Variants in FRS2 observed in about 807,000 individuals in gnomAD.
FRS2 encodes fibroblast growth factor receptor substrate 2.
In FRS2, 8 loss-of-function variants were observed where a neutral mutation model predicts 43.9. The observed-to-expected ratio is 0.18, with a 90% CI of 0.11 to 0.33. FRS2 has a LOEUF of 0.33. Ranked by LOEUF, FRS2 falls within the 10% of genes least tolerant of loss-of-function variation. The pLI, the probability that FRS2 is intolerant of heterozygous loss-of-function variation, is 1.00. For synonymous variants in FRS2, 219 were observed against 220.3 expected (o/e 0.99, Z 0.05); for missense variants, 534 against 627.6 (o/e 0.85, Z 1.59).
intron 1 of FRS2, among the ~76,000 whole-genome samples, chr12:69,511,598 C>G (rs1874459468): frequency 6.6e-6 from 1 of 152,056 alleles, no homozygotes; most frequent in Non-Finnish European, 1.5e-5. Context: ...AAACTCTGAA[C>G]TGGTGGATTT....
intron 1 of FRS2, among the ~76,000 whole-genome samples, chr12:69,494,119 G>A (rs1872688496): frequency 6.6e-6 from 1 of 152,156 alleles, no homozygotes. Context: ...ATACCTTATT[G>A]TAATGGGTAG....
intron 1 of FRS2, among the ~76,000 whole-genome samples, chr12:69,520,279 A>G (rs1875497824): frequency 6.6e-6 from 1 of 151,290 alleles, no homozygotes; most frequent in African/African-American, 2.4e-5. Context: ...AATATGTTTA[A>G]GTTCCTTATA....
chr12:69,507,422 TTTAA>T (rs1477876044), intron 1 of FRS2, among the ~76,000 whole-genome samples: 2 of 152,322 alleles, frequency 1.3e-5, no homozygotes, highest in Non-Finnish European at 2.9e-5. Context: ...ATAATACTTG[TTTAA>T]TTGTTTGCAA....
chr12:69,539,219 C>T (rs991163397), intron 3 of FRS2, among the ~76,000 whole-genome samples: 4 of 152,072 alleles, frequency 2.6e-5, no homozygotes. Context: ...GGATTACAGG[C>T]ACACATCACC....
intron 3 of FRS2, among the ~76,000 whole-genome samples, chr12:69,538,531 C>A (rs1217989034): frequency 6.6e-6 from 1 of 151,550 alleles, no homozygotes; most frequent in African/African-American, 2.4e-5. Flanking sequence ...ATGATTCATG[C>A]CTTTTTATAT....
At chr12:69,487,278 A>G (rs1019875441) in intron 1 of FRS2, among the ~76,000 whole-genome samples, 2 of 152,230 alleles carry the variant, frequency 1.3e-5, no homozygotes, top group Admixed American at 6.5e-5. Context: ...AGAGAAATCT[A>G]TGCTTGGTTT....
intron 1 of FRS2, among the ~76,000 whole-genome samples, chr12:69,474,280 G>GA (rs1870570096): frequency 6.6e-6 from 1 of 152,182 alleles, no homozygotes; most frequent in Admixed American, 6.5e-5. Flanking sequence ...ATGTCCAAAG[G>GA]CTTTTGGAAA....
rs1322809488 is a variant in FRS2 at position 69,572,353 on chromosome 12, A to T, written c.576+72A>T. 1.5e-5 allele frequency: 17 copies of T among 1,165,750 alleles called. No homozygotes were observed. The East Asian group carries it at 4.1e-4, about 28-fold the overall frequency. The allele number at this position is 1,165,750 out of a possible 1,614,324, so 72.2% of individuals were successfully genotyped here. On this transcript the variant is annotated intron_variant, in intron 8 of 8. Coordinates refer to ENST00000549921, the MANE Select transcript of FRS2 (RefSeq NM_001278356.2). ...AGGGTATCACTGTGCTAATACTGGA[A>T]GATTTTATTCAGCTTGAAGTTTAAC...
intron 3 of FRS2, among the ~76,000 whole-genome samples, chr12:69,532,587 G>T (rs1432609284): frequency 6.6e-6 from 1 of 152,126 alleles, no homozygotes; most frequent in Non-Finnish European, 1.5e-5. Flanking sequence ...TCATGAGGAA[G>T]GAGCCCACAT....
At chr12:69,490,612 T>C (rs896818851) in intron 1 of FRS2, among the ~76,000 whole-genome samples, 9 of 152,154 alleles carry the variant, frequency 5.9e-5, no homozygotes, top group African/African-American at 2.2e-4. Flanking sequence ...AGCCAGATGG[T>C]TTTTTTCTTT....
In FRS2 at chr12:69,570,426, A is replaced by G. The variant is rs1203874084; in HGVS notation, c.162A>G (p.Ser54=). 2.5e-6 allele frequency: 4 copies of G among 1,612,470 alleles called. No individual in the cohort carries two copies. The highest frequency in any genetic ancestry group is 3.4e-6 in the Non-Finnish European group (4 of 1,178,618). ...ELILYTRKRD[S]VKWHYLCLRR... is the part of the protein sequence containing the mutation. The stretch of plus-strand genomic sequence containing the variant: ...TTTTATACACCCGCAAACGTGACTC[A>G]GTAAAATGGCACTACCTCTGCCTGC... The change falls in exon 6 of 9, where the codon TCA becomes TCG. Residue 54 remains serine (S), a synonymous_variant. Coordinates refer to ENST00000549921, the MANE Select transcript of FRS2 (RefSeq NM_001278356.2).
chr12:69,485,261 A>C (rs1409491106), intron 1 of FRS2, among the ~76,000 whole-genome samples: 1 of 147,956 alleles, frequency 6.8e-6, no homozygotes, highest in Non-Finnish European at 1.5e-5. Context: ...CCGCTCACTG[A>C]AAGCTCCGCT....
intron 1 of FRS2, among the ~76,000 whole-genome samples, chr12:69,524,922 G>T (rs1454123226): frequency 6.6e-6 from 1 of 152,172 alleles, no homozygotes; most frequent in Non-Finnish European, 1.5e-5. Flanking sequence ...ATCACTGGGG[G>T]CCAGGAACTA....
In FRS2 at chr12:69,578,794, T is replaced by C. The variant is rs2135837411; in HGVS notation, c.*3839T>C. ...TAAATATAGCAACTTTGTATAAAGG[T>C]AGCTTATTAGATTTTTAATTTTTTC... On this transcript the variant is annotated 3_prime_UTR_variant, in exon 9 of 9. Transcript: ENST00000549921. 6.5e-6 allele frequency: 1 copy of C among 152,780 alleles called. No individual in the cohort carries two copies. Among genetic ancestry groups the C allele is most frequent in the South Asian group, 2.1e-4 (1 of 4,830 alleles). The allele number at this position is 152,780 out of a possible 1,614,324, so 9.5% of individuals were successfully genotyped here. A position where few individuals can be genotyped will look rare whatever the true frequency, so the allele number is the denominator to read the frequency against.
chr12:69,474,961 CATG>C (rs1388419921), intron 1 of FRS2, among the ~76,000 whole-genome samples: 1 of 152,102 alleles, frequency 6.6e-6, no homozygotes, highest in Non-Finnish European at 1.5e-5. Flanking sequence ...TTTTGATTAA[CATG>C]ATTAGTTTTG....
intron 1 of FRS2, among the ~76,000 whole-genome samples, chr12:69,527,579 CA>C (rs1876384440): frequency 2.6e-5 from 4 of 152,052 alleles, no homozygotes; most frequent in Admixed American, 6.5e-5. Context: ...CAGTTTACTG[CA>C]GATTATAATA....
Position 69,575,110 on chromosome 12 carries a change from T to C in FRS2, c.*155T>C, listed in dbSNP as rs1453015107. On this transcript the variant is annotated 3_prime_UTR_variant, in exon 9 of 9. Transcript: ENST00000549921. The stretch of plus-strand genomic sequence containing the variant: ...TGCATCTTTAACTAAAGGGAATTAA[T>C]GTAGAGCAGGTACTCCTTAAAGAAC... 1 of 597,526 alleles carries C rather than the reference T, an allele frequency of 1.7e-6. No homozygotes were observed. Among genetic ancestry groups the C allele is most frequent in the Non-Finnish European group, 3.0e-6 (1 of 336,826 alleles). 37.0% of individuals were successfully genotyped at this position (597,526 alleles called of 1,614,324 possible). A position where few individuals can be genotyped will look rare whatever the true frequency, so the allele number is the denominator to read the frequency against.
In FRS2 at chr12:69,518,820, GCCTGACAAA is replaced by G. The variant is rs577809519; in HGVS notation, c.-260-12043_-260-12035del. 2.4e-4 allele frequency among the ~76,000 whole-genome samples: 36 copies of G among 151,940 alleles called. No homozygotes were observed. In the East Asian group the frequency reaches 5.4e-3, roughly 23 times the overall value. Reference sequence around the variant, plus strand: ...ACCTGAGGTCTGGAGTTCGAGACTGGCCTGACAAACATGGAGAAACCCCATCTCTACTAA... The same window carrying G: ...ACCTGAGGTCTGGAGTTCGAGACTGGCATGGAGAAACCCCATCTCTACTAA... On this transcript the variant is annotated intron_variant, in intron 1 of 8. Transcript: ENST00000549921.
intron 1 of FRS2, among the ~76,000 whole-genome samples, chr12:69,480,816 C>G (rs1871285811): frequency 6.6e-6 from 1 of 152,076 alleles, no homozygotes; most frequent in South Asian, 2.1e-4. Flanking sequence ...GCCTGATAAT[C>G]CAGTATCTGA....
Sources: allele counts gnomAD v4.1 joint callset (sites outside exome capture counted in the v4.1 genomes callset), GRCh38; gene constraint gnomAD v4.1.1; transcripts MANE v1.5; gene names NCBI Gene and HGNC (gene_info 2026-07-23, HGNC 2026-07-21).